Variants in ZMAT4 observed in about 807,000 individuals in gnomAD.
The protein encoded by ZMAT4 is zinc finger matrin-type 4, also known as zinc finger matrin-type protein 4.
ZMAT4 carries 17 observed loss-of-function variants against 28.7 expected under a neutral mutation model. That is an observed-to-expected ratio of 0.59 (90% CI 0.41 to 0.89). The LOEUF is 0.89. ZMAT4 is among the 40% of genes least tolerant of loss of function. ZMAT4 has a pLI of 0.00. For synonymous variants in ZMAT4, 117 were observed against 109.2 expected (o/e 1.07, Z -0.44); for missense variants, 240 against 283.8 (o/e 0.85, Z 1.11).
chr8:40,843,918 A>G (rs577559283), intron 1 of ZMAT4, among the ~76,000 whole-genome samples: 6 of 152,334 alleles, frequency 3.9e-5, no homozygotes, highest in African/African-American at 1.4e-4. Context: ...CACATTTTTA[A>G]GATCAGTCCC....
chr8:40,533,087 GACA>G (rs1297342119), intron 6 of ZMAT4, among the ~76,000 whole-genome samples: 2 of 151,616 alleles, frequency 1.3e-5, no homozygotes, highest in Non-Finnish European at 2.9e-5. Context: ...TTTTCTTTAT[GACA>G]ACAAGATACT....
chr8:40,544,547 AC>A (rs1451815060), intron 6 of ZMAT4, among the ~76,000 whole-genome samples: 2 of 152,096 alleles, frequency 1.3e-5, no homozygotes, highest in African/African-American at 2.4e-5. Context: ...TTCTGAGCAG[AC>A]CCCAAAGGTG....
In ZMAT4 at chr8:40,664,248, C is replaced by T. The variant is rs1439338409; in HGVS notation, c.577+10456G>A. Among the ~76,000 whole-genome samples the T allele has an allele frequency of 3.9e-5, 6 of 152,066 alleles. No homozygotes were observed. In the East Asian group the frequency reaches 9.6e-4, roughly 24 times the overall value. ...GGTCACTCACTCTGTAGGAAGCCAG[C>T]GAACACAACACCAGTACATTCAAAA... On this transcript the variant is annotated intron_variant, in intron 5 of 6. Coordinates refer to ENST00000297737, the MANE Select transcript of ZMAT4 (RefSeq NM_024645.3).
rs534520149 is a variant in ZMAT4 at position 40,715,042 on chromosome 8, T to C, written c.193-17641A>G. Among the ~76,000 whole-genome samples the C allele has an allele frequency of 3.3e-3, 86 of 26,290 alleles. 2 individuals carry two copies. The South Asian group carries it at 0.088, about 27-fold the overall frequency. The allele number at this position is 26,290 out of a possible 152,430, so 17.2% of individuals were successfully genotyped here. A position where few individuals can be genotyped will look rare whatever the true frequency, so the allele number is the denominator to read the frequency against. ...CCAGCCTGGCGACAGAGGGAGACTCTGTCTCAAAAAAAAAAAAAAAAAGTG... is the reference window on the plus strand; with the variant it reads ...CCAGCCTGGCGACAGAGGGAGACTCCGTCTCAAAAAAAAAAAAAAAAAGTG... On this transcript the variant is annotated intron_variant, in intron 3 of 6. Coordinates refer to ENST00000297737, the MANE Select transcript of ZMAT4 (RefSeq NM_024645.3).
intron 1 of ZMAT4, among the ~76,000 whole-genome samples, chr8:40,844,619 C>A (rs1463916474): frequency 6.8e-6 from 1 of 146,770 alleles, no homozygotes; most frequent in Non-Finnish European, 1.5e-5. Flanking sequence ...TTTCTCTCTC[C>A]TCTCTCTCTC....
intron 5 of ZMAT4, among the ~76,000 whole-genome samples, chr8:40,588,206 C>G (rs1157201272): frequency 6.6e-6 from 1 of 151,804 alleles, no homozygotes; most frequent in African/African-American, 2.4e-5. Context: ...AAAATAATAT[C>G]TTCATGAAAT....
intron 1 of ZMAT4, among the ~76,000 whole-genome samples, chr8:40,838,968 C>T (rs540374927): frequency 6.6e-6 from 1 of 152,216 alleles, no homozygotes; most frequent in African/African-American, 2.4e-5. Context: ...TTCACATTCC[C>T]AAATAATATG....
chr8:40,815,945 C>T (rs16889968), intron 2 of ZMAT4, among the ~76,000 whole-genome samples: 2 of 152,128 alleles, frequency 1.3e-5, no homozygotes, highest in East Asian at 1.9e-4. Flanking sequence ...TTTGCCAAAA[C>T]CACTCCCTTT....
At chr8:40,814,406 T>C (rs1815451336) in intron 2 of ZMAT4, among the ~76,000 whole-genome samples, 1 of 152,122 alleles carries the variant, frequency 6.6e-6, no homozygotes, top group Admixed American at 6.5e-5. Context: ...ACACTGGGAA[T>C]AGAAAAGCTG....
chr8:40,835,343 G>C (rs1586140668), intron 1 of ZMAT4, among the ~76,000 whole-genome samples: 2 of 152,210 alleles, frequency 1.3e-5, no homozygotes, highest in South Asian at 2.1e-4. Context: ...CACACCAAAG[G>C]GCTGTGCACC....
At chr8:40,827,345 AG>A (rs2150614297) in intron 1 of ZMAT4, among the ~76,000 whole-genome samples, 1 of 152,358 alleles carries the variant, frequency 6.6e-6, no homozygotes, top group South Asian at 2.1e-4. Flanking sequence ...AGGGATCAGT[AG>A]TATATTTTTA....
At position 40,847,222 on chromosome 8, in the gene ZMAT4, A is replaced by C. The variant is rs532651206; in HGVS notation, c.-4-21542T>G. 2.1e-3 allele frequency among the ~76,000 whole-genome samples: 322 copies of C among 151,874 alleles called. 4 individuals are homozygous for C. The highest frequency in any genetic ancestry group is 0.017 in the Middle Eastern group (5 of 294). On this transcript the variant is annotated intron_variant, in intron 1 of 6. Coordinates refer to ENST00000297737, the MANE Select transcript of ZMAT4 (RefSeq NM_024645.3). ...CCATCTAAAAAAACAAACAAACAAAAAAAAAAAACTGGGGGAAATCCAGTC... is the reference window on the plus strand; with the variant it reads ...CCATCTAAAAAAACAAACAAACAAACAAAAAAAACTGGGGGAAATCCAGTC...
intron 2 of ZMAT4, among the ~76,000 whole-genome samples, chr8:40,820,372 G>C (rs1457155032): frequency 7.0e-6 from 1 of 143,714 alleles, no homozygotes; most frequent in African/African-American, 2.6e-5. Flanking sequence ...GTGTCTACGT[G>C]TGTGGGTGTG....
intron 3 of ZMAT4, among the ~76,000 whole-genome samples, chr8:40,745,572 T>C (rs1812182871): frequency 6.6e-6 from 1 of 152,138 alleles, no homozygotes; most frequent in African/African-American, 2.4e-5. Flanking sequence ...GCCAAGGATC[T>C]GGAAATAGGG....
chr8:40,844,978 G>C (rs1218858879), intron 1 of ZMAT4, among the ~76,000 whole-genome samples: 1 of 152,132 alleles, frequency 6.6e-6, no homozygotes, highest in African/African-American at 2.4e-5. Flanking sequence ...ATGGTCCACT[G>C]GGTGACCTCA....
At chr8:40,553,522 C>T (rs1027959323) in intron 6 of ZMAT4, among the ~76,000 whole-genome samples, 2 of 152,114 alleles carry the variant, frequency 1.3e-5, no homozygotes, top group African/African-American at 4.8e-5. Context: ...ACTGTCATCC[C>T]AGGATAGGAA....
chr8:40,594,098 A>G (rs1805002300), intron 5 of ZMAT4, among the ~76,000 whole-genome samples: 1 of 152,226 alleles, frequency 6.6e-6, no homozygotes, highest in Non-Finnish European at 1.5e-5. Context: ...CACCAAAGCC[A>G]GATGGCTGCT....
At chr8:40,750,664 A>G (rs1812419580) in intron 3 of ZMAT4, among the ~76,000 whole-genome samples, 1 of 152,236 alleles carries the variant, frequency 6.6e-6, no homozygotes, top group Admixed American at 6.5e-5. Context: ...AAATGGGGTC[A>G]GGAAAGATAT....
chr8:40,803,161 C>A (rs10087830), intron 2 of ZMAT4, among the ~76,000 whole-genome samples: 86,279 of 151,784 alleles, frequency 0.57, 24,741 homozygotes, highest in East Asian at 0.66. Context: ...ACCTTGGGAC[C>A]AGTGATAATT....
Sources: gnomAD v4.1 joint callset for allele counts (sites outside exome capture counted in the v4.1 genomes callset) on GRCh38, gnomAD v4.1.1 for gene constraint, MANE v1.5 for transcripts, NCBI Gene and HGNC (gene_info 2026-07-23, HGNC 2026-07-21) for gene names.